Variants in SUN5 observed in about 807,000 individuals in gnomAD.
SUN5 encodes the protein SUN domain-containing protein 5.
SUN5 carries 44 observed loss-of-function variants against 53.7 expected under a neutral mutation model. The observed-to-expected ratio is 0.82, with a 90% CI of 0.64 to 1.05. The LOEUF is 1.05. Ranked by LOEUF, SUN5 falls within the 50% of genes least tolerant of loss-of-function variation. The probability of loss-of-function intolerance (pLI) is 0.00; values close to 1 mark genes in which losing one functional copy is unlikely to be tolerated. For missense variants in SUN5, 433 were observed against 483.8 expected (o/e 0.90, Z 0.98); for synonymous variants, 166 against 179.8 (o/e 0.92, Z 0.62).
Position 32,995,724 on chromosome 20 carries a change from C to A in SUN5, c.429G>T (p.Leu143Phe), listed in dbSNP as rs764061229. Residue 143 changes from leucine to phenylalanine, a missense_variant, in exon 8 of 13, where the codon TTG becomes TTT. Leu to Phe is a conservative substitution (Grantham distance 22). Coordinates refer to ENST00000356173, the MANE Select transcript of SUN5 (RefSeq NM_080675.4). ...TGTGATGTCGCACCTTCTCCTGGTA[C>A]AACCTTATCAGGAAGGAGTGATAAC... Reference protein sequence around the residue: ...SINGPLQSLRLYQEKVRHHSG... With the variant: ...SINGPLQSLRFYQEKVRHHSG... 6 of 1,613,114 alleles carry A rather than the reference C, an allele frequency of 3.7e-6. No individual in the cohort carries two copies. Among genetic ancestry groups the A allele is most frequent in the Middle Eastern group, 1.6e-4 (1 of 6,062 alleles).
rs749023318 is a variant in SUN5 at position 32,987,785 on chromosome 20, A to G, written c.614-10T>C. ...AAGTCAATGCTGGCCCCTGTATAGG[A>G]GAAGGGGGTCTCAGCCAAGCAGCCG... On this transcript the variant is annotated splice_polypyrimidine_tract_variant and intron_variant, in intron 9 of 12. Transcript: ENST00000356173. 1.1e-5 allele frequency: 17 copies of G among 1,607,404 alleles called. No homozygotes were observed. The Admixed American group carries it at 2.7e-4, about 26-fold the overall frequency.
chr20:33,001,546 CT>C (rs1168644407), intron 3 of SUN5, among the ~76,000 whole-genome samples: 1 of 137,122 alleles, frequency 7.3e-6, no homozygotes, highest in African/African-American at 3.4e-5. Context: ...TTCTTTCTTT[CT>C]TTCTTTCTTT....
At chr20:32,994,610 G>A (rs774333494) in intron 8 of SUN5, among the ~76,000 whole-genome samples, 2 of 152,118 alleles carry the variant, frequency 1.3e-5, no homozygotes, top group Non-Finnish European at 2.9e-5. Flanking sequence ...CTGAAATTAA[G>A]AACTAAGGCT....
At chr20:32,995,292 T>C (rs1349812661) in intron 8 of SUN5, among the ~76,000 whole-genome samples, 1 of 152,178 alleles carries the variant, frequency 6.6e-6, no homozygotes, top group Non-Finnish European at 1.5e-5. Flanking sequence ...AAAGGATCAA[T>C]AATAAGAGTG....
At chr20:32,986,913 G>A (rs992317952) in intron 10 of SUN5, among the ~76,000 whole-genome samples, 13 of 152,152 alleles carry the variant, frequency 8.5e-5, no homozygotes, top group Admixed American at 7.9e-4. Flanking sequence ...CCTCGGCTGC[G>A]GCCACCAGGA....
chr20:32,994,957 A>T (rs1413988682), intron 8 of SUN5, among the ~76,000 whole-genome samples: 1 of 152,232 alleles, frequency 6.6e-6, no homozygotes, highest in Non-Finnish European at 1.5e-5. Context: ...AGAAAGGTTA[A>T]TAGGAAAATA....
chr20:32,993,128 A>T (rs189967599), intron 8 of SUN5, among the ~76,000 whole-genome samples: 16 of 152,360 alleles, frequency 1.1e-4, no homozygotes, highest in Non-Finnish European at 2.2e-4. Context: ...TTCAAACAAC[A>T]GGAGCTTCAA....
chr20:32,999,728 G>A (rs1989950009), intron 5 of SUN5: 4 of 508,880 alleles, frequency 7.9e-6, no homozygotes, highest in Admixed American at 3.5e-5. Flanking sequence ...CCACTCCAAA[G>A]CCAGTATATG....
chr20:32,991,734 G>A (rs1360225830), intron 8 of SUN5, among the ~76,000 whole-genome samples: 1 of 152,188 alleles, frequency 6.6e-6, no homozygotes, highest in Non-Finnish European at 1.5e-5. Flanking sequence ...ATGAGTTTTA[G>A]CAAATTTTGC....
At chr20:32,999,531 G>C (rs1198041083) in intron 5 of SUN5, among the ~76,000 whole-genome samples, 1 of 152,206 alleles carries the variant, frequency 6.6e-6, no homozygotes, top group South Asian at 2.1e-4. Flanking sequence ...GGCGGAGGTT[G>C]CAGTGAGCCG....
intron 6 of SUN5, 97 bp downstream of exon 6, chr20:32,997,541 G>T (rs1462453316): frequency 7.3e-7 from 1 of 1,376,426 alleles, no homozygotes; most frequent in Admixed American, 1.9e-5. Flanking sequence ...CTGATGAGGG[G>T]CCCCATTTGG....
chr20:32,984,450 T>C (rs1333684689), intron 12 of SUN5, among the ~76,000 whole-genome samples: 2 of 152,058 alleles, frequency 1.3e-5, no homozygotes, highest in Non-Finnish European at 2.9e-5. Flanking sequence ...TGTTTATTAC[T>C]CTCCCTATCT....
intron 4 of SUN5, among the ~76,000 whole-genome samples, chr20:33,000,883 T>G: frequency 7.0e-6 from 1 of 143,712 alleles, no homozygotes; most frequent in East Asian, 2.0e-4. Context: ...CGTGCAAATG[T>G]GTGGAGGTGG....
chr20:32,997,014 G>C (rs1989869917), intron 6 of SUN5, among the ~76,000 whole-genome samples: 1 of 152,220 alleles, frequency 6.6e-6, no homozygotes, highest in African/African-American at 2.4e-5. Flanking sequence ...TACAGTTGGA[G>C]AGACAGTCAT....
At chr20:32,998,687 A>C (rs1209088373) in intron 5 of SUN5, among the ~76,000 whole-genome samples, 2 of 152,062 alleles carry the variant, frequency 1.3e-5, no homozygotes, top group East Asian at 3.9e-4. Flanking sequence ...GTTCTATTTA[A>C]CATGGTACTG....
Position 32,985,092 on chromosome 20 carries a change from C to T in SUN5, c.984+7G>A, listed in dbSNP as rs1246350706. On this transcript the variant is annotated splice_region_variant and intron_variant, in intron 12 of 12. Transcript: ENST00000356173. ...GGTGCTCAGCACAGGCAGCTCTTCG[C>T]AGGTACCTGGAGTGGGAACATCTGG... The T allele has an allele frequency of 6.2e-7, 1 of 1,613,952 alleles. No homozygotes were observed. The highest frequency in any genetic ancestry group is 8.5e-7 in the Non-Finnish European group (1 of 1,179,876).
chr20:32,987,781 T>C lies in SUN5; in HGVS notation c.614-6A>G, dbSNP rs914793562. The C allele has an allele frequency of 1.9e-6, 3 of 1,609,108 alleles. No homozygotes were observed. The highest frequency in any genetic ancestry group is 2.5e-6 in the Non-Finnish European group (3 of 1,177,646). On this transcript the variant is annotated splice_polypyrimidine_tract_variant and splice_region_variant and intron_variant, in intron 9 of 12. Coordinates refer to ENST00000356173, the MANE Select transcript of SUN5 (RefSeq NM_080675.4). ...CTCAAAGTCAATGCTGGCCCCTGTA[T>C]AGGAGAAGGGGGTCTCAGCCAAGCA... is the stretch of plus-strand genomic sequence containing the variant.
At chr20:32,992,083 C>T (rs1989725499) in intron 8 of SUN5, among the ~76,000 whole-genome samples, 1 of 151,972 alleles carries the variant, frequency 6.6e-6, no homozygotes, top group Admixed American at 6.5e-5. Flanking sequence ...TAGTTTTTTC[C>T]AGTCTGCAAA....
chr20:32,989,659 C>G lies in SUN5; in HGVS notation c.574G>C (p.Asp192His), dbSNP rs763539442. 13 of 1,613,952 alleles carry G rather than the reference C, an allele frequency of 8.1e-6. No individual in the cohort carries two copies. The highest frequency in any genetic ancestry group is 1.1e-5 in the Non-Finnish European group (13 of 1,180,040). The change falls in exon 9 of 13, where the codon GAT (aspartate) becomes CAT (histidine). Residue 192 changes from aspartate (D) to histidine (H), a missense_variant. Physicochemically the swap from Asp to His is moderately conservative, Grantham distance 81. Coordinates refer to ENST00000356173, the MANE Select transcript of SUN5 (RefSeq NM_080675.4). ...GCAAAGTCTGGCTTTTCGATGTAATCTCCGTGTATCATCTTCATTATTTTC... is the reference window on the plus strand; with the variant it reads ...GCAAAGTCTGGCTTTTCGATGTAATGTCCGTGTATCATCTTCATTATTTTC... ...AQKIMKMIHGDYIEKPDFALK... is the reference protein window; with the variant it reads ...AQKIMKMIHGHYIEKPDFALK...
Sources: gnomAD v4.1 joint callset for allele counts (sites outside exome capture counted in the v4.1 genomes callset) on GRCh38, gnomAD v4.1.1 for gene constraint, MANE v1.5 for transcripts, NCBI Gene and HGNC (gene_info 2026-07-23, HGNC 2026-07-21) for gene names.